The following CNTNAP2 variants were observed in gnomAD, a reference collection of about 807,000 sequenced individuals.
CNTNAP2 encodes contactin associated protein 2, also known as contactin-associated protein-like 2.
Under a neutral mutation model 155.2 loss-of-function variants are expected in CNTNAP2, and 98 were observed. The observed-to-expected ratio is 0.63, with a 90% CI of 0.54 to 0.75. The LOEUF (loss-of-function observed/expected upper bound fraction) is 0.75, where lower values mean the gene tolerates loss of function less well. Among genes scored for constraint, CNTNAP2 ranks in the 30% least tolerant of loss-of-function variants. CNTNAP2 has a pLI of 0.00. For synonymous variants in CNTNAP2, 651 were observed against 631.2 expected (o/e 1.03, Z -0.47); for missense variants, 1,727 against 1,688.1 (o/e 1.02, Z -0.40).
rs142928727 is a variant in CNTNAP2 at position 147,252,307 on chromosome 7, G to A, written c.1349-47834G>A. Among the ~76,000 whole-genome samples the A allele has an allele frequency of 2.0e-3, 308 of 152,276 alleles. 1 individual carries two copies. Among genetic ancestry groups the A allele is most frequent in the African/African-American group, 7.2e-3 (298 of 41,538 alleles). On this transcript the variant is annotated intron_variant, in intron 8 of 23. Coordinates refer to ENST00000361727, the MANE Select transcript of CNTNAP2 (RefSeq NM_014141.6). ...GGATCTTCCCAGAAAGGATCTTTAAGTATCATGAGAGTTTATCAGAAAATT... is the reference window on the plus strand; with the variant it reads ...GGATCTTCCCAGAAAGGATCTTTAAATATCATGAGAGTTTATCAGAAAATT...
intron 9 of CNTNAP2, among the ~76,000 whole-genome samples, chr7:147,338,822 A>G (rs1795707372): frequency 6.6e-6 from 1 of 152,176 alleles, no homozygotes; most frequent in East Asian, 1.9e-4. Flanking sequence ...GTATGTAGAT[A>G]TATAAAAAGT....
At chr7:147,480,904 A>G (rs781154690) in intron 10 of CNTNAP2, among the ~76,000 whole-genome samples, 16 of 152,188 alleles carry the variant, frequency 1.1e-4, no homozygotes, top group Admixed American at 2.0e-4. Context: ...CGCAAGAATC[A>G]GAATCTTTAA....
At chr7:146,181,786 CA>C (rs1227942880) in intron 1 of CNTNAP2, among the ~76,000 whole-genome samples, 5 of 152,086 alleles carry the variant, frequency 3.3e-5, no homozygotes, top group South Asian at 2.1e-4. Flanking sequence ...TCTTGTCCCA[CA>C]AAAAAATAAA....
intron 1 of CNTNAP2, among the ~76,000 whole-genome samples, chr7:146,639,590 C>T (rs1457491380): frequency 1.3e-5 from 2 of 152,152 alleles, no homozygotes; most frequent in Non-Finnish European, 2.9e-5. Context: ...GATTTATTAC[C>T]CTCTGAACAG....
intron 10 of CNTNAP2, among the ~76,000 whole-genome samples, chr7:147,470,572 T>G (rs1462068371): frequency 6.6e-6 from 1 of 152,026 alleles, no homozygotes; most frequent in Non-Finnish European, 1.5e-5. Flanking sequence ...GTAGCTATGA[T>G]AGTGTCTTGG....
intron 1 of CNTNAP2, among the ~76,000 whole-genome samples, chr7:146,547,567 A>G (rs1584975416): frequency 6.6e-6 from 1 of 151,950 alleles, no homozygotes; most frequent in East Asian, 1.9e-4. Flanking sequence ...CCTCCCAGAG[A>G]AATCATGCAG....
chr7:146,500,692 C>A (rs752097573), intron 1 of CNTNAP2, among the ~76,000 whole-genome samples: 1 of 152,102 alleles, frequency 6.6e-6, no homozygotes, highest in Non-Finnish European at 1.5e-5. Context: ...TTTCTTCCTT[C>A]TAATTTCGGT....
At chr7:146,624,112 C>G (rs1420304010) in intron 1 of CNTNAP2, among the ~76,000 whole-genome samples, 3 of 151,846 alleles carry the variant, frequency 2.0e-5, no homozygotes, top group South Asian at 2.1e-4. Context: ...AGTAATTGGG[C>G]TATTTTCTTA....
At chr7:147,090,165 C>T (rs1800371042) in intron 4 of CNTNAP2, among the ~76,000 whole-genome samples, 1 of 151,946 alleles carries the variant, frequency 6.6e-6, no homozygotes, top group Non-Finnish European at 1.5e-5. Context: ...AAAATATGGC[C>T]CTGTTCTCCT....
intron 1 of CNTNAP2, among the ~76,000 whole-genome samples, chr7:146,229,892 A>T (rs1799356582): frequency 6.6e-6 from 1 of 152,208 alleles, no homozygotes; most frequent in African/African-American, 2.4e-5. Context: ...GGGAAATATA[A>T]TTCAGCAGAG....
intron 3 of CNTNAP2, among the ~76,000 whole-genome samples, chr7:146,996,200 GA>G (rs1291924393): frequency 6.6e-6 from 1 of 151,916 alleles, no homozygotes; most frequent in Non-Finnish European, 1.5e-5. Flanking sequence ...GCCTTTGTAG[GA>G]AATCAATTGG....
intron 1 of CNTNAP2, among the ~76,000 whole-genome samples, chr7:146,170,059 T>C (rs1798367677): frequency 6.7e-6 from 1 of 149,886 alleles, no homozygotes; most frequent in African/African-American, 2.5e-5. Context: ...CTCACTCTGT[T>C]GCGCAGGCTG....
intron 8 of CNTNAP2, among the ~76,000 whole-genome samples, chr7:147,147,283 A>G (rs1026820125): frequency 6.6e-6 from 1 of 152,156 alleles, no homozygotes; most frequent in Admixed American, 6.5e-5. Flanking sequence ...GTCTCTCCCT[A>G]GACACTTGGG....
chr7:146,373,291 C>T (rs974938698), intron 1 of CNTNAP2, among the ~76,000 whole-genome samples: 10 of 152,072 alleles, frequency 6.6e-5, no homozygotes, highest in African/African-American at 2.2e-4. Context: ...TATTTGGTGC[C>T]TCGCCTTAAG....
chr7:147,562,113 A>G, intron 11 of CNTNAP2, 25 bp from the exon 12 acceptor site: 2 of 1,613,650 alleles, frequency 1.2e-6, no homozygotes, highest in East Asian at 2.2e-5. Flanking sequence ...TGCTGTGCTT[A>G]TGTAGGATAT....
intron 1 of CNTNAP2, among the ~76,000 whole-genome samples, chr7:146,627,869 TTCTTTTA>T (rs1471188779): frequency 1.3e-5 from 2 of 152,258 alleles, no homozygotes; most frequent in Admixed American, 1.3e-4. Flanking sequence ...TACTACTTTC[TTCTTTTA>T]TATAACTCAG....
At chr7:147,529,825 T>A (rs190404627) in intron 11 of CNTNAP2, among the ~76,000 whole-genome samples, 482 of 152,354 alleles carry the variant, frequency 3.2e-3, no homozygotes, top group Non-Finnish European at 5.5e-3. Context: ...TTCTGACTAT[T>A]TCCATAATGT....
At chr7:147,265,625 C>G (rs545948500) in intron 8 of CNTNAP2, among the ~76,000 whole-genome samples, 2 of 152,172 alleles carry the variant, frequency 1.3e-5, no homozygotes, top group South Asian at 4.1e-4. Context: ...GGGTTTCCCC[C>G]GAGCACAGCA....
At chr7:147,551,305 T>C (rs1250595170) in intron 11 of CNTNAP2, among the ~76,000 whole-genome samples, 1 of 152,250 alleles carries the variant, frequency 6.6e-6, no homozygotes, top group Non-Finnish European at 1.5e-5. Flanking sequence ...AATAGTTTAA[T>C]GCAGCAGTTT....
Sources: gnomAD v4.1 joint callset for allele counts (sites outside exome capture counted in the v4.1 genomes callset) on GRCh38, gnomAD v4.1.1 for gene constraint, MANE v1.5 for transcripts, NCBI Gene and HGNC (gene_info 2026-07-23, HGNC 2026-07-21) for gene names.